Variants in AKAP9 observed in about 807,000 individuals in gnomAD.
The protein encoded by AKAP9 is A-kinase anchor protein 9.
AKAP9 carries 311 observed loss-of-function variants against 488.5 expected under a neutral mutation model. The ratio of observed to expected loss-of-function variants is 0.64; its 90% CI spans 0.58 to 0.70. The LOEUF (loss-of-function observed/expected upper bound fraction) is 0.70. AKAP9 is among the 30% of genes least tolerant of loss of function. The probability of loss-of-function intolerance (pLI) is 0.00; values close to 1 mark genes in which losing one functional copy is unlikely to be tolerated. For missense variants in AKAP9, 4,215 were observed against 4,374.5 expected (o/e 0.96, Z 1.03); for synonymous variants, 1,462 against 1,483.5 (o/e 0.99, Z 0.33).
At position 91,973,944 on chromosome 7, in the gene AKAP9, T is replaced by C. The variant is rs1288792351; in HGVS notation, c.282T>C (p.Ser94=). The C allele has an allele frequency of 1.2e-6, 2 of 1,613,884 alleles. No homozygotes were observed. Among genetic ancestry groups the C allele is most frequent in the African/African-American group, 2.7e-5 (2 of 74,888 alleles). ...CTCTACATAGTGGAGAAATAACCAG[T>C]CATGAGCAGGGCTTCTCTGTGGAAG... The part of the protein sequence containing the change: ...MRTLHSGEIT[S]HEQGFSVELE... Residue 94 remains serine, a synonymous_variant, in exon 2 of 50, where the codon AGT becomes AGC. Coordinates refer to ENST00000356239, the MANE Select transcript of AKAP9 (RefSeq NM_005751.5).
intron 30 of AKAP9, 74 bp from the exon 31 acceptor site, chr7:92,079,005 C>T: frequency 1.0e-6 from 1 of 984,254 alleles, no homozygotes; most frequent in East Asian, 2.7e-5. Context: ...GAGGTACTGC[C>T]CTAAAATAAA....
At position 92,083,437 on chromosome 7, in the gene AKAP9, A is replaced by G. The variant is rs1286971160; in HGVS notation, c.8428A>G (p.Ser2810Gly). The G allele has an allele frequency of 3.1e-6, 5 of 1,614,064 alleles. No homozygotes were observed. Among genetic ancestry groups the G allele is most frequent in the Non-Finnish European group, 4.2e-6 (5 of 1,179,964 alleles). The change falls in exon 33 of 50, where the codon AGT (serine) becomes GGT (glycine). Residue 2810 changes from serine (S) to glycine (G), a missense_variant. Coordinates refer to ENST00000356239, the MANE Select transcript of AKAP9 (RefSeq NM_005751.5). ...TGCAGGAATACAAATTAATTTACAG[A>G]GTGAATGTTCCTCAGAAGAAGTTAC... ...KNAGIQINLQSECSSEEVTEI... is the reference protein window; with the variant it reads ...KNAGIQINLQGECSSEEVTEI...
intron 3 of AKAP9, among the ~76,000 whole-genome samples, chr7:91,989,584 G>A (rs1221916376): frequency 6.6e-5 from 10 of 151,984 alleles, no homozygotes; most frequent in Admixed American, 6.6e-4. Flanking sequence ...TGAAATGATA[G>A]TAATAGGGTA....
At chr7:92,017,898 T>C (rs551792878) in intron 12 of AKAP9, among the ~76,000 whole-genome samples, 8 of 152,242 alleles carry the variant, frequency 5.3e-5, no homozygotes, top group Non-Finnish European at 1.0e-4. Flanking sequence ...CCAGTAGATT[T>C]ATATGAGTAG....
intron 47 of AKAP9, among the ~76,000 whole-genome samples, chr7:92,106,187 T>A (rs1246021929): frequency 6.6e-6 from 1 of 152,222 alleles, no homozygotes; most frequent in Admixed American, 6.5e-5. Flanking sequence ...TAATGAATTC[T>A]GGAAGCAATG....
chr7:92,016,405 C>T, intron 11 of AKAP9, 138 bp downstream of exon 11: 1 of 626,852 alleles, frequency 1.6e-6, no homozygotes, highest in Non-Finnish European at 2.7e-6. Context: ...CTTTCAGATT[C>T]ATGAAATCTC....
intron 15 of AKAP9, 44 bp downstream of exon 15, chr7:92,030,035 G>T: frequency 7.8e-7 from 1 of 1,284,676 alleles, no homozygotes; most frequent in South Asian, 1.3e-5. Flanking sequence ...TATATACACT[G>T]ATTTTTCTAT....
intron 3 of AKAP9, among the ~76,000 whole-genome samples, chr7:91,981,319 T>C (rs1224964331): frequency 6.6e-6 from 1 of 152,110 alleles, no homozygotes; most frequent in Non-Finnish European, 1.5e-5. Flanking sequence ...ATAGAAAATA[T>C]TCTGAAAAAA....
At chr7:91,961,359 G>A (rs1001536236) in intron 1 of AKAP9, among the ~76,000 whole-genome samples, 1 of 151,444 alleles carries the variant, frequency 6.6e-6, no homozygotes, top group African/African-American at 2.4e-5. Flanking sequence ...TTGTATTTTA[G>A]TAGAGACGGG....
At chr7:92,090,394 G>T (rs1484562238) in intron 38 of AKAP9, 1 of 152,242 alleles carries the variant, frequency 6.6e-6, no homozygotes, top group African/African-American at 2.4e-5. Flanking sequence ...GGAGGCTGAC[G>T]TGGGTGGATC....
intron 14 of AKAP9, among the ~76,000 whole-genome samples, chr7:92,027,768 C>A (rs532408498): frequency 3.3e-5 from 5 of 152,352 alleles, no homozygotes; most frequent in Admixed American, 1.3e-4. Context: ...GACAGCCTTT[C>A]TGCAGGTGTA....
intron 10 of AKAP9, among the ~76,000 whole-genome samples, chr7:92,015,728 T>G (rs2130712403): frequency 6.6e-6 from 1 of 152,298 alleles, no homozygotes; most frequent in African/African-American, 2.4e-5. Context: ...TCTTTAGAAT[T>G]TATAGATTTC....
intron 10 of AKAP9, among the ~76,000 whole-genome samples, chr7:92,014,838 G>A (rs926258745): frequency 7.2e-5 from 11 of 152,024 alleles, no homozygotes; most frequent in Admixed American, 5.9e-4. Context: ...AGAAATTCAG[G>A]TAAATTATCT....
intron 1 of AKAP9, 120 bp downstream of exon 1, chr7:91,941,267 G>T: frequency 2.0e-6 from 2 of 985,818 alleles, no homozygotes; most frequent in East Asian, 4.9e-5. Context: ...GGGAGGTGCT[G>T]CAGGGTCTTA....
intron 3 of AKAP9, 64 bp from the exon 4 acceptor site, chr7:91,992,094 A>C (rs1308949674): frequency 1.5e-6 from 2 of 1,330,314 alleles, no homozygotes; most frequent in Non-Finnish European, 2.2e-6. Context: ...GTTAACAGAA[A>C]TATTGTTAGC....
chr7:92,109,732 T>A (rs1158236937), intron 49 of AKAP9, among the ~76,000 whole-genome samples: 1 of 152,066 alleles, frequency 6.6e-6, no homozygotes, highest in Non-Finnish European at 1.5e-5. Flanking sequence ...GGTCAGGAGT[T>A]CAAGACCAAC....
In AKAP9 at chr7:91,992,961, A is replaced by T; in HGVS notation, c.482A>T (p.Glu161Val). The change falls in exon 5 of 50, where the codon GAA (glutamate) becomes GTA (valine). Residue 161 changes from glutamate to valine, a missense_variant. Glu to Val is a moderately radical substitution (Grantham distance 121). Coordinates refer to ENST00000356239, the MANE Select transcript of AKAP9 (RefSeq NM_005751.5). ...AGTCCGACTCATCTAGAGATGATGG[A>T]AAGTGAGTTGGCTGGGAAGCAGCAT... ...QDSPTHLEMM[E>V]SELAGKQHEI... The T allele has an allele frequency of 1.2e-6, 2 of 1,614,124 alleles. No homozygotes were observed. The highest frequency in any genetic ancestry group is 8.5e-7 in the Non-Finnish European group (1 of 1,179,982).
Position 92,097,846 on chromosome 7 carries a change from G to C in AKAP9, c.10607+52G>C. On this transcript the variant is annotated intron_variant, in intron 42 of 49. Coordinates refer to ENST00000356239, the MANE Select transcript of AKAP9 (RefSeq NM_005751.5). ...GAAAGTAGTATTCTTAGGCTGGGTA[G>C]ACCCCATGCCTCTGGGACAGCTAGC... is the stretch of plus-strand genomic sequence containing the variant. 3 of 1,564,498 alleles carry C rather than the reference G, an allele frequency of 1.9e-6. 1 individual carries two copies.
rs1420205598 is a variant in AKAP9, at chr7:92,052,818, C to T, written c.5461C>T (p.Leu1821=). 41 of 1,613,626 alleles carry T rather than the reference C, an allele frequency of 2.5e-5. No individual in the cohort carries two copies. The highest frequency in any genetic ancestry group is 3.4e-5 in the Non-Finnish European group (40 of 1,179,806). ...WSKVTEEGTE[L]SQRLVRSGFA... ...AAAAGTAACTGAGGAAGGAACAGAG[C>T]TGTCACAACGACTTGTGAGGAGTGG... Residue 1821 remains leucine, a synonymous_variant, in exon 22 of 50, where the codon CTG becomes TTG. Transcript: ENST00000356239.
Sources: gnomAD v4.1 joint callset for allele counts (sites outside exome capture counted in the v4.1 genomes callset) on GRCh38, gnomAD v4.1.1 for gene constraint, MANE v1.5 for transcripts, NCBI Gene and HGNC (gene_info 2026-07-23, HGNC 2026-07-21) for gene names.